TRIM14: variants seen among roughly 807,000 people sequenced by gnomAD.
TRIM14 encodes the protein tripartite motif-containing protein 14.
TRIM14 carries 28 observed loss-of-function variants against 44.5 expected under a neutral mutation model. That is an observed-to-expected ratio of 0.63 (90% CI 0.47 to 0.86). The LOEUF (loss-of-function observed/expected upper bound fraction) is 0.86, where lower values mean the gene tolerates loss of function less well. Among genes scored for constraint, TRIM14 ranks in the 40% least tolerant of loss-of-function variants. TRIM14 has a pLI of 0.00. For synonymous variants in TRIM14, 299 were observed against 269.2 expected (o/e 1.11, Z -1.08); for missense variants, 607 against 611.1 (o/e 0.99, Z 0.07).
At chr9:98,056,397 T>C in the TRIM14 span, among the ~76,000 whole-genome samples, 1 of 148,652 alleles carries the variant, frequency 6.7e-6, no homozygotes, top group African/African-American at 2.6e-5. Context: ...CATTACACCA[T>C]AGGGCGCGCT....
the TRIM14 span, among the ~76,000 whole-genome samples, chr9:98,036,955 T>C: frequency 1.3e-5 from 2 of 152,206 alleles, no homozygotes; most frequent in Admixed American, 1.3e-4. Context: ...ACTTGTCACC[T>C]TGTCTCTCTA....
intron 6 of TRIM14, among the ~76,000 whole-genome samples, chr9:98,073,017 G>A (rs1206694115): frequency 6.6e-6 from 1 of 152,198 alleles, no homozygotes; most frequent in Non-Finnish European, 1.5e-5. Flanking sequence ...AGGTGAAACA[G>A]CAGAATGTCT....
At chr9:98,079,061 T>C (rs931916398) in intron 6 of TRIM14, among the ~76,000 whole-genome samples, 3 of 152,174 alleles carry the variant, frequency 2.0e-5, no homozygotes, top group Admixed American at 6.5e-5. Flanking sequence ...ATACTAGTTA[T>C]AGTGACAGCC....
In TRIM14 at chr9:98,119,147, C is replaced by T. The variant is rs768643646; in HGVS notation, c.42G>A (p.Ser14=). 47 of 1,585,824 alleles carry T rather than the reference C, an allele frequency of 3.0e-5. 1 individual carries two copies. Among genetic ancestry groups the T allele is most frequent in the Middle Eastern group, 3.5e-4 (2 of 5,636 alleles). Residue 14 remains serine (S), a synonymous_variant, in exon 1 of 6, where the codon TCG becomes TCA. Transcript: ENST00000341469. ...GCCAGCCGCATCCCTCGACAAGCTC[C>T]GACCTCCCAGGGGTCCGGCTCCCGG... is the stretch of plus-strand genomic sequence containing the variant. ...AATGSRTPGR[S]ELVEGCGWRC... is the part of the protein sequence containing the mutation.
chr9:98,096,318 C>T (rs1279868509), intron 3 of TRIM14, among the ~76,000 whole-genome samples: 2 of 152,096 alleles, frequency 1.3e-5, no homozygotes, highest in African/African-American at 2.4e-5. Context: ...TAAGGTCACA[C>T]CCAGAGCGCT....
chr9:98,044,368 CTTTTTTTTTTTT>C, the TRIM14 span, among the ~76,000 whole-genome samples: 1 of 110,504 alleles, frequency 9.0e-6, no homozygotes, highest in African/African-American at 3.6e-5. Context: ...TGCCCTTTCT[CTTTTTTTTTTTT>C]TTTTTTTTTT....
chr9:98,117,461 C>A (rs1827096340), intron 1 of TRIM14, among the ~76,000 whole-genome samples: 1 of 152,048 alleles, frequency 6.6e-6, no homozygotes, highest in African/African-American at 2.4e-5. Context: ...CCACACCTGG[C>A]TGATTTTCAT....
chr9:98,090,711 A>G (rs1475317134), intron 5 of TRIM14, among the ~76,000 whole-genome samples: 1 of 152,042 alleles, frequency 6.6e-6, no homozygotes, highest in African/African-American at 2.4e-5. Context: ...CTACTGGTGC[A>G]TGCCACCATG....
chr9:98,097,436 A>G (rs1162964428), intron 3 of TRIM14, among the ~76,000 whole-genome samples: 3 of 152,074 alleles, frequency 2.0e-5, no homozygotes, highest in African/African-American at 7.2e-5. Context: ...CTCTATATAC[A>G]GTGTGCTCCT....
rs561320418 is a variant in TRIM14, at chr9:98,095,146, G to T, written c.538-117C>A. 80 of 1,328,158 alleles carry T rather than the reference G, an allele frequency of 6.0e-5. No individual in the cohort carries two copies. In the East Asian group the frequency reaches 1.9e-3, roughly 31 times the overall value. The allele number at this position is 1,328,158 out of a possible 1,614,324, so 82.3% of individuals were successfully genotyped here. On this transcript the variant is annotated intron_variant, in intron 3 of 5. Transcript: ENST00000341469. This position sits in a 1 kb window ranked among gnomAD's most constrained non-coding sequence, Gnocchi z 4.1. ...CATGCCCAGGCTCCACGTTGGCCTG[G>T]CACCTATGGTCAGCCCAGGCCATGC...
At chr9:98,078,159 A>G in intron 6 of TRIM14, 2 of 1,613,864 alleles carry the variant, frequency 1.2e-6, no homozygotes, top group Non-Finnish European at 1.7e-6. Flanking sequence ...CTCTAAAGAG[A>G]AAGTGCTGAT....
chr9:98,072,105 G>A (rs940371461), intron 6 of TRIM14, among the ~76,000 whole-genome samples: 3 of 152,152 alleles, frequency 2.0e-5, no homozygotes, highest in African/African-American at 7.2e-5. Flanking sequence ...CTCAGCTCCT[G>A]GTGCTCACAC....
intron 3 of TRIM14, among the ~76,000 whole-genome samples, chr9:98,099,022 G>A (rs972640064): frequency 2.0e-5 from 3 of 152,048 alleles, no homozygotes; most frequent in Admixed American, 2.0e-4. Flanking sequence ...TCTGCCACAG[G>A]GGCTATTTCT....
chr9:98,081,077 GAGA>G (rs755677922), downstream of TRIM14: 18 of 1,614,026 alleles, frequency 1.1e-5, no homozygotes, highest in East Asian at 2.7e-4. Flanking sequence ...GGCCTGCAAT[GAGA>G]AGGTGTGTCC....
At chr9:98,061,778 C>CA in the TRIM14 span, among the ~76,000 whole-genome samples, 541 of 116,016 alleles carry the variant, frequency 4.7e-3, 4 homozygotes, top group South Asian at 0.029. Flanking sequence ...GATTCCGTCT[C>CA]AAAAAAAAAA....
At chr9:98,067,195 TATGA>T (rs1347159459), downstream of TRIM14, among the ~76,000 whole-genome samples, 1 of 152,236 alleles carries the variant, frequency 6.6e-6, no homozygotes, top group Non-Finnish European at 1.5e-5. Context: ...CTTTGGCTGT[TATGA>T]ATAATGCTGC....
downstream of TRIM14, chr9:98,080,918 G>A (rs1289365106): frequency 6.2e-7 from 1 of 1,614,218 alleles, no homozygotes; most frequent in South Asian, 1.1e-5. Flanking sequence ...CAAGGTGTTG[G>A]AACGTCACAT....
At chr9:98,084,236 G>C (rs940778697), downstream of TRIM14, 4 of 152,138 alleles carry the variant, frequency 2.6e-5, no homozygotes, top group Non-Finnish European at 5.9e-5. Flanking sequence ...TGTGCTGTAC[G>C]AGGGAGAAGG....
Position 98,096,916 on chromosome 9 carries a change from G to A in TRIM14, c.538-1887C>T, listed in dbSNP as rs906790129. On this transcript the variant is annotated intron_variant, in intron 3 of 5. Coordinates refer to ENST00000341469, the MANE Select transcript of TRIM14 (RefSeq NM_014788.4). ...ATCCCTCAGTTCAAAACACTCCCCT[G>A]GGCTGGGTGCAGTGGCTCACACCTC... 2.3e-4 allele frequency among the ~76,000 whole-genome samples: 35 copies of A among 152,110 alleles called. 1 individual carries two copies. The highest frequency in any genetic ancestry group is 7.9e-4 in the Admixed American group (12 of 15,252).
Sources: gnomAD v4.1 joint callset for allele counts (sites outside exome capture counted in the v4.1 genomes callset) on GRCh38, gnomAD v4.1.1 for gene constraint, Gnocchi (gnomAD v3.1) non-coding constraint, MANE v1.5 for transcripts, NCBI Gene and HGNC (gene_info 2026-07-23, HGNC 2026-07-21) for gene names.